Variants in DISC1 observed in about 807,000 individuals in gnomAD.
The protein encoded by DISC1 is DISC1 scaffold protein.
Under a neutral mutation model 84.5 loss-of-function variants are expected in DISC1, and 57 were observed. The observed-to-expected ratio is 0.67, with a 90% CI of 0.55 to 0.84. The LOEUF is 0.84. Ranked by LOEUF, DISC1 falls within the 40% of genes least tolerant of loss-of-function variation. DISC1 has a pLI of 0.00. For synonymous variants in DISC1, 411 were observed against 415.2 expected (o/e 0.99, Z 0.12); for missense variants, 1,000 against 1,057.8 (o/e 0.95, Z 0.76).
intron 9 of DISC1, among the ~76,000 whole-genome samples, chr1:231,938,480 G>T (rs1360116247): frequency 6.6e-6 from 1 of 152,106 alleles, no homozygotes; most frequent in Non-Finnish European, 1.5e-5. Context: ...CTCAGCCTAG[G>T]GCCACAGGAA....
chr1:231,839,681 T>C (rs1286135088), intron 9 of DISC1, among the ~76,000 whole-genome samples: 5 of 152,208 alleles, frequency 3.3e-5, no homozygotes, highest in Non-Finnish European at 5.9e-5. Flanking sequence ...ACAGGGTAAT[T>C]TGTAAAGAAA....
chr1:232,020,235 G>A (rs1159525417), intron 11 of DISC1, among the ~76,000 whole-genome samples: 1 of 152,040 alleles, frequency 6.6e-6, no homozygotes, highest in African/African-American at 2.4e-5. Flanking sequence ...CCAGCTACTC[G>A]GGAGGCTGAG....
chr1:231,950,204 C>CTGTGTGTGTGTG (rs59801477), intron 9 of DISC1, among the ~76,000 whole-genome samples: 3,806 of 139,466 alleles, frequency 0.027, 77 homozygotes, highest in East Asian at 0.052. Context: ...AAAAAAAATT[C>CTGTGTGTGTGTG]TGTGTGTGTG....
chr1:231,682,208 C>T (rs566601272), intron 1 of DISC1, among the ~76,000 whole-genome samples: 5 of 152,030 alleles, frequency 3.3e-5, no homozygotes, highest in Admixed American at 6.6e-5. Flanking sequence ...GGTGTGGTGT[C>T]GACTCCTAGT....
intron 1 of DISC1, among the ~76,000 whole-genome samples, chr1:231,645,710 T>G (rs2060065724): frequency 6.6e-6 from 1 of 152,026 alleles, no homozygotes; most frequent in African/African-American, 2.4e-5. Context: ...CCCTGTCCTG[T>G]GTCCAAGTGT....
chr1:231,773,616 C>T (rs902262720), intron 6 of DISC1, among the ~76,000 whole-genome samples: 5 of 152,114 alleles, frequency 3.3e-5, no homozygotes, highest in African/African-American at 1.2e-4. Flanking sequence ...AATTTCCTGA[C>T]CTCATGATCT....
At chr1:232,015,918 A>G (rs1345621885) in intron 11 of DISC1, among the ~76,000 whole-genome samples, 1 of 152,144 alleles carries the variant, frequency 6.6e-6, no homozygotes, top group Non-Finnish European at 1.5e-5. Flanking sequence ...TATTTTGCTC[A>G]TATGATTAGG....
At chr1:231,759,382 A>G (rs1434597711) in intron 4 of DISC1, among the ~76,000 whole-genome samples, 1 of 152,020 alleles carries the variant, frequency 6.6e-6, no homozygotes, top group Non-Finnish European at 1.5e-5. Context: ...GATGGCTATG[A>G]TACAACATGA....
At chr1:231,651,659 G>C (rs976553231) in intron 1 of DISC1, among the ~76,000 whole-genome samples, 8 of 152,242 alleles carry the variant, frequency 5.3e-5, no homozygotes, top group Non-Finnish European at 1.2e-4. Flanking sequence ...AGAAGTTTCT[G>C]CTGCCTTTTG....
intron 2 of DISC1, among the ~76,000 whole-genome samples, chr1:231,701,039 G>A (rs1245958378): frequency 2.6e-5 from 4 of 152,262 alleles, no homozygotes; most frequent in African/African-American, 7.2e-5. Flanking sequence ...TAATAAAGAC[G>A]TACCCAAGTC....
intron 1 of DISC1, among the ~76,000 whole-genome samples, chr1:231,678,277 G>A (rs189416438): frequency 6.6e-6 from 1 of 152,356 alleles, no homozygotes; most frequent in Admixed American, 6.5e-5. Context: ...CAAAGAGGAC[G>A]AATGTGTTAT....
intron 4 of DISC1, among the ~76,000 whole-genome samples, chr1:231,761,864 T>C (rs1314850990): frequency 2.0e-5 from 3 of 152,210 alleles, no homozygotes; most frequent in Non-Finnish European, 4.4e-5. Flanking sequence ...TACTAAGTGC[T>C]GGGCACTGGG....
intron 8 of DISC1, among the ~76,000 whole-genome samples, chr1:231,810,453 G>C (rs1205724737): frequency 2.0e-5 from 3 of 152,218 alleles, no homozygotes; most frequent in Non-Finnish European, 4.4e-5. Context: ...AAGAGACCCA[G>C]TAAAGATGTT....
intron 9 of DISC1, among the ~76,000 whole-genome samples, chr1:231,903,059 C>A (rs1226720671): frequency 6.8e-6 from 1 of 146,358 alleles, no homozygotes; most frequent in African/African-American, 2.5e-5. Flanking sequence ...TCCACCTTTT[C>A]TCTCTCTCAT....
At chr1:231,744,502 T>A (rs2073737450) in intron 3 of DISC1, among the ~76,000 whole-genome samples, 1 of 152,234 alleles carries the variant, frequency 6.6e-6, no homozygotes, top group Non-Finnish European at 1.5e-5. Flanking sequence ...TTTAACAGTT[T>A]GATACCAACA....
intron 9 of DISC1, among the ~76,000 whole-genome samples, chr1:231,904,926 A>G (rs897774343): frequency 2.0e-5 from 3 of 152,206 alleles, no homozygotes; most frequent in Admixed American, 6.5e-5. Context: ...ATATTAGTGG[A>G]TGATAACCCA....
chr1:231,784,343 G>C (rs2077669488), intron 6 of DISC1, among the ~76,000 whole-genome samples: 2 of 151,996 alleles, frequency 1.3e-5, no homozygotes, highest in Non-Finnish European at 2.9e-5. Context: ...AAAGGACTCA[G>C]AATATCAGAG....
intron 3 of DISC1, among the ~76,000 whole-genome samples, chr1:231,720,293 CCTCTTTG>C (rs1230469014): frequency 6.6e-6 from 1 of 152,084 alleles, no homozygotes; most frequent in Non-Finnish European, 1.5e-5. Flanking sequence ...GTCTTCCTCT[CCTCTTTG>C]CTCTTTGCTT....
At chr1:231,740,054 TCCCTTTCTGCCA>T (rs1203363056) in intron 3 of DISC1, among the ~76,000 whole-genome samples, 1 of 152,160 alleles carries the variant, frequency 6.6e-6, no homozygotes, top group East Asian at 1.9e-4. Flanking sequence ...GGTAGCTTGT[TCCCTTTCTGCCA>T]TGAGAAAAAG....
Sources: allele counts gnomAD v4.1 joint callset (sites outside exome capture counted in the v4.1 genomes callset), GRCh38; gene constraint gnomAD v4.1.1; transcripts MANE v1.5; gene names NCBI Gene and HGNC (gene_info 2026-07-23, HGNC 2026-07-21).